The following C10orf143 variants were observed in gnomAD, a reference collection of about 807,000 sequenced individuals.
C10orf143 encodes chromosome 10 open reading frame 143, also known as uncharacterized protein C10orf143.
chr10:130,037,342 C>T (rs1313269976), intron 3 of C10orf143, among the ~76,000 whole-genome samples: 1 of 152,234 alleles, frequency 6.6e-6, no homozygotes, highest in Non-Finnish European at 1.5e-5. Context: ...CCCAGTAACA[C>T]TGCCGGCAGC....
chr10:130,103,467 G>A (rs185092470), intron 1 of C10orf143, among the ~76,000 whole-genome samples: 5 of 152,160 alleles, frequency 3.3e-5, no homozygotes, highest in African/African-American at 1.2e-4. Flanking sequence ...TCCAGCCTGG[G>A]TGACAGACCG....
chr10:130,110,448 G>C (rs1485341360), intron 1 of C10orf143, among the ~76,000 whole-genome samples: 1 of 152,378 alleles, frequency 6.6e-6, no homozygotes, highest in Admixed American at 6.5e-5. Flanking sequence ...CCCAGTGAGC[G>C]TGTGGGTCAG....
chr10:130,060,703 A>C (rs1860847054), downstream of C10orf143, among the ~76,000 whole-genome samples: 1 of 151,744 alleles, frequency 6.6e-6, no homozygotes, highest in Admixed American at 6.6e-5. Flanking sequence ...GGGCACCTGC[A>C]GTCCCAGCTA....
intron 1 of C10orf143, among the ~76,000 whole-genome samples, chr10:130,110,210 C>G (rs1861736960): frequency 6.6e-6 from 1 of 152,178 alleles, no homozygotes; most frequent in African/African-American, 2.4e-5. Context: ...GGACTCAGCC[C>G]AAGAAGCACT....
At chr10:130,057,257 A>G (rs1860807159) in intron 3 of C10orf143, among the ~76,000 whole-genome samples, 1 of 152,100 alleles carries the variant, frequency 6.6e-6, no homozygotes, top group Admixed American at 6.6e-5. Context: ...AACCGTTTTT[A>G]AGTGTGTAGT....
At chr10:130,074,197 G>A (rs997198996) in intron 3 of C10orf143, among the ~76,000 whole-genome samples, 2 of 152,290 alleles carry the variant, frequency 1.3e-5, no homozygotes, top group Admixed American at 6.5e-5. Context: ...GAGTGCTCAG[G>A]CCCCTGCCTC....
chr10:130,044,103 C>T (rs1860638570), intron 3 of C10orf143, among the ~76,000 whole-genome samples: 1 of 152,092 alleles, frequency 6.6e-6, no homozygotes, highest in African/African-American at 2.4e-5. Flanking sequence ...AGCTGGTTTC[C>T]TCCAGTCTGA....
chr10:130,056,945 T>A lies in C10orf143; in HGVS notation c.298-20975A>T, dbSNP rs184510927. Among the ~76,000 whole-genome samples the A allele has an allele frequency of 5.3e-5, 8 of 152,132 alleles. No individual in the cohort carries two copies. Among genetic ancestry groups the A allele is most frequent in the Admixed American group, 1.3e-4 (2 of 15,286 alleles). ...ACTGTGTCTCCCAGGCTGGAGTAGG[T>A]GGCTCGATCATGGCTCACTGCAGCC... On this transcript the variant is annotated intron_variant and NMD_transcript_variant, in intron 3 of 5. Transcript: ENST00000643056. The surrounding 1 kb of genome is among the most constrained non-coding windows in gnomAD (Gnocchi z 4.6).
intron 3 of C10orf143, among the ~76,000 whole-genome samples, chr10:130,070,611 C>T (rs1186530189): frequency 6.6e-6 from 1 of 152,150 alleles, no homozygotes; most frequent in Non-Finnish European, 1.5e-5. Flanking sequence ...AACACTGCAC[C>T]CTGAGCCCTT....
intron 3 of C10orf143, among the ~76,000 whole-genome samples, chr10:130,049,155 C>T (rs1342226925): frequency 1.3e-5 from 2 of 152,206 alleles, no homozygotes; most frequent in South Asian, 2.1e-4. Context: ...GCCCACTGCC[C>T]GGGCTTCCTT....
intron 1 of C10orf143, among the ~76,000 whole-genome samples, chr10:130,094,102 A>G (rs573617367): frequency 6.6e-6 from 1 of 152,248 alleles, no homozygotes; most frequent in African/African-American, 2.4e-5. Context: ...AAACGGCTCT[A>G]CACAAATAAA....
intron 3 of C10orf143, chr10:130,035,977 G>GAGAA (rs1340179084): frequency 3.3e-5 from 5 of 152,208 alleles, no homozygotes; most frequent in African/African-American, 1.2e-4. Context: ...TCACCTGGTG[G>GAGAA]AGAGAGAGGG....
At chr10:130,060,281 CACA>C (rs1465102873), downstream of C10orf143, among the ~76,000 whole-genome samples, 2 of 152,146 alleles carry the variant, frequency 1.3e-5, no homozygotes, top group African/African-American at 2.4e-5. Context: ...GCACCAGCAG[CACA>C]ACTTCTAGAA....
At chr10:130,074,037 T>A (rs1861074376) in intron 3 of C10orf143, among the ~76,000 whole-genome samples, 1 of 152,162 alleles carries the variant, frequency 6.6e-6, no homozygotes, top group South Asian at 2.1e-4. Context: ...GGGGATGAAG[T>A]CCACAAAAAC....
intron 1 of C10orf143, chr10:130,107,702 G>A (rs1057131386): frequency 3.2e-6 from 4 of 1,260,052 alleles, no homozygotes; most frequent in Non-Finnish European, 4.6e-6. Flanking sequence ...TCCAGGGGGG[G>A]AAGGAAGAGG....
chr10:130,099,887 G>A (rs1228588119), intron 1 of C10orf143, among the ~76,000 whole-genome samples: 5 of 144,516 alleles, frequency 3.5e-5, no homozygotes, highest in African/African-American at 1.0e-4. Flanking sequence ...ACCCAGGCTG[G>A]AGTGCAGTGA....
chr10:130,047,701 A>G (rs1860692769), intron 3 of C10orf143, among the ~76,000 whole-genome samples: 1 of 152,166 alleles, frequency 6.6e-6, no homozygotes, highest in Admixed American at 6.5e-5. Flanking sequence ...CACCCAGGCC[A>G]CGTGACCCTA....
intron 1 of C10orf143, among the ~76,000 whole-genome samples, chr10:130,086,902 G>T (rs572057784): frequency 2.0e-4 from 30 of 152,284 alleles, no homozygotes; most frequent in African/African-American, 6.5e-4. Flanking sequence ...GGCACATTAA[G>T]GTCAGCAGAC....
intron 3 of C10orf143, among the ~76,000 whole-genome samples, chr10:130,069,399 T>C (rs1316423731): frequency 6.6e-6 from 1 of 152,202 alleles, no homozygotes; most frequent in East Asian, 1.9e-4. Flanking sequence ...ACAGAAAATC[T>C]GTCGCTAGAA....
Sources: gnomAD v4.1 joint callset for allele counts (sites outside exome capture counted in the v4.1 genomes callset) on GRCh38, gnomAD v4.1.1 for gene constraint, Gnocchi (gnomAD v3.1) non-coding constraint, MANE v1.5 for transcripts, NCBI Gene and HGNC (gene_info 2026-07-23, HGNC 2026-07-21) for gene names.